C5orf22: variants seen among roughly 807,000 people sequenced by gnomAD.
C5orf22 encodes chromosome 5 open reading frame 22, also known as UPF0489 protein C5orf22.
In C5orf22, 36 loss-of-function variants were observed where a neutral mutation model predicts 48.7. That is an observed-to-expected ratio of 0.74 (90% CI 0.57 to 0.98). C5orf22 has a LOEUF of 0.98. Ranked by LOEUF, C5orf22 falls within the 50% of genes least tolerant of loss-of-function variation. The pLI is 0.00. For synonymous variants in C5orf22, 141 were observed against 180.8 expected (o/e 0.78, Z 1.76); for missense variants, 486 against 521.9 (o/e 0.93, Z 0.67).
rs751239335 is a variant in C5orf22, at chr5:31,545,701, G to A, written c.1048G>A (p.Asp350Asn). 1 of 1,598,476 alleles carries A rather than the reference G, an allele frequency of 6.3e-7. No individual in the cohort carries two copies. The highest frequency in any genetic ancestry group is 1.7e-5 in the Admixed American group (1 of 59,514). ...QSLKKRMEVP[D>N]YEMVHQAGLT... ...TTTGAAAAAACGGATGGAAGTACCA[G>A]ACTATGAAATGGTAAATATTTTATA... Residue 350 changes from aspartate to asparagine, a missense_variant, in exon 7 of 9, where the codon GAC becomes AAC. Transcript: ENST00000325366.
At chr5:31,536,127 G>A (rs367712038) in intron 3 of C5orf22, among the ~76,000 whole-genome samples, 6 of 152,194 alleles carry the variant, frequency 3.9e-5, no homozygotes, top group South Asian at 2.1e-4. Context: ...ATTATCCTCC[G>A]GAATTTGGGC....
chr5:31,539,251 A>T (rs1561322224), intron 4 of C5orf22, among the ~76,000 whole-genome samples: 1 of 152,236 alleles, frequency 6.6e-6, no homozygotes. Flanking sequence ...TGTTATATGC[A>T]AATACTACAC....
rs528048396 is a variant in C5orf22, at chr5:31,532,340, C to G, written c.-53C>G. The G allele has an allele frequency of 1.9e-6, 3 of 1,585,536 alleles. No individual in the cohort carries two copies. The African/African-American group carries it at 4.0e-5, about 21-fold the overall frequency. On this transcript the variant is annotated 5_prime_UTR_variant, in exon 1 of 9. Transcript: ENST00000325366. ...GGCCGGGATGAGGCGCCGGCTTTCCCGGGTCTTCTCCAGCTGCCACCGCTT... is the reference window on the plus strand; with the variant it reads ...GGCCGGGATGAGGCGCCGGCTTTCCGGGGTCTTCTCCAGCTGCCACCGCTT...
At position 31,540,947 on chromosome 5, in the gene C5orf22, A is replaced by G; in HGVS notation, c.808-2A>G. ...ATGTGGATTTTTTGTTTTGTTTTCC[A>G]GGAAGAGTACAAAATCTTACAAGAG... On this transcript the variant is annotated splice_acceptor_variant, in intron 4 of 8. Coordinates refer to ENST00000325366, the MANE Select transcript of C5orf22 (RefSeq NM_018356.3). LOFTEE classifies it high-confidence loss of function. 6.2e-7 allele frequency: 1 copy of G among 1,605,748 alleles called. No homozygotes were observed. Among genetic ancestry groups the G allele is most frequent in the Non-Finnish European group, 8.5e-7 (1 of 1,175,710 alleles).
chr5:31,537,596 A>AG (rs1742176091), intron 3 of C5orf22, among the ~76,000 whole-genome samples: 1 of 152,212 alleles, frequency 6.6e-6, no homozygotes, highest in African/African-American at 2.4e-5. Flanking sequence ...CACTGTTTGA[A>AG]GTATTTACCA....
chr5:31,543,461 T>G (rs1020647836), intron 6 of C5orf22, among the ~76,000 whole-genome samples: 1 of 152,000 alleles, frequency 6.6e-6, no homozygotes, highest in Non-Finnish European at 1.5e-5. Flanking sequence ...CCCCAGCTAC[T>G]TGGGAGGCTG....
In C5orf22 at chr5:31,553,002, T is replaced by C; in HGVS notation, c.*100T>C. ...TCTTCCAGAGAACACTGTTTTATAT[T>C]AACTTTCAGTTGAAATCTTTCAGAT... On this transcript the variant is annotated 3_prime_UTR_variant, in exon 9 of 9. Coordinates refer to ENST00000325366, the MANE Select transcript of C5orf22 (RefSeq NM_018356.3). 9.8e-7 allele frequency: 1 copy of C among 1,020,412 alleles called. No homozygotes were observed. The highest frequency in any genetic ancestry group is 1.4e-6 in the Non-Finnish European group (1 of 703,264). The allele number at this position is 1,020,412 out of a possible 1,614,324, so 63.2% of individuals were successfully genotyped here. A position where few individuals can be genotyped will look rare whatever the true frequency, so the allele number is the denominator to read the frequency against.
chr5:31,540,568 A>G (rs1742391920), intron 4 of C5orf22, among the ~76,000 whole-genome samples: 1 of 152,174 alleles, frequency 6.6e-6, no homozygotes. Flanking sequence ...TATTTCCTGT[A>G]AACAGCTAAG....
At chr5:31,540,229 G>A (rs1318074834) in intron 4 of C5orf22, among the ~76,000 whole-genome samples, 1 of 152,188 alleles carries the variant, frequency 6.6e-6, no homozygotes, top group Non-Finnish European at 1.5e-5. Flanking sequence ...AAGCACTGAA[G>A]ATATGCCACA....
At position 31,532,385 on chromosome 5, in the gene C5orf22, G is replaced by C. The variant is rs79365447; in HGVS notation, c.-8G>C. 18,291 of 1,613,682 alleles carry C rather than the reference G, an allele frequency of 0.011. 971 individuals carry two copies. In the African/African-American group the frequency reaches 0.15, roughly 13 times the overall value. ...CCGCTTTACTGCAAAACTGACGGGC[G>C]CAAAAACATGAGTGACTCCGCGGGA... On this transcript the variant is annotated 5_prime_UTR_variant, in exon 1 of 9. Coordinates refer to ENST00000325366, the MANE Select transcript of C5orf22 (RefSeq NM_018356.3).
Position 31,532,310 on chromosome 5 carries a change from G to T in C5orf22, c.-83G>T. The T allele has an allele frequency of 6.3e-6, 9 of 1,426,348 alleles. No homozygotes were observed. The highest frequency in any genetic ancestry group is 8.9e-6 in the Non-Finnish European group (9 of 1,012,160). 88.4% of individuals were successfully genotyped at this position (1,426,348 alleles called of 1,614,324 possible). ...GTGAGGGAGCGCTTCCGCCCGGAGA[G>T]AGCTGGCCGGGATGAGGCGCCGGCT... On this transcript the variant is annotated 5_prime_UTR_variant, in exon 1 of 9. Transcript: ENST00000325366.
chr5:31,532,890 G>A (rs1741683847), intron 1 of C5orf22, among the ~76,000 whole-genome samples: 1 of 152,102 alleles, frequency 6.6e-6, no homozygotes, highest in African/African-American at 2.4e-5. Context: ...CTGAAATGGG[G>A]ACAGTAATCG....
intron 6 of C5orf22, among the ~76,000 whole-genome samples, chr5:31,543,060 T>C (rs1045093724): frequency 1.3e-5 from 2 of 152,222 alleles, no homozygotes; most frequent in Non-Finnish European, 2.9e-5. Context: ...TATGGCTAAA[T>C]GATGAAGTAT....
intron 7 of C5orf22, chr5:31,548,595 A>G (rs1373730314): frequency 2.2e-6 from 1 of 451,046 alleles, no homozygotes; most frequent in Non-Finnish European, 4.4e-6. Flanking sequence ...GTCTCTAGGA[A>G]GTTCCAAACT....
intron 7 of C5orf22, among the ~76,000 whole-genome samples, chr5:31,547,667 C>T (rs1419949777): frequency 6.6e-6 from 1 of 152,208 alleles, no homozygotes; most frequent in East Asian, 1.9e-4. Context: ...AACCACAGCC[C>T]GAGCTCTATG....
At chr5:31,536,799 A>G (rs1742125974) in intron 3 of C5orf22, among the ~76,000 whole-genome samples, 1 of 152,184 alleles carries the variant, frequency 6.6e-6, no homozygotes, top group Non-Finnish European at 1.5e-5. Context: ...AGAAATATCA[A>G]TATGTTCTTG....
At chr5:31,538,714 T>C (rs757743812) in intron 4 of C5orf22, 25 bp downstream of exon 4, 3 of 1,533,434 alleles carry the variant, frequency 2.0e-6, no homozygotes, top group Non-Finnish European at 2.7e-6. Context: ...TTTTAACACA[T>C]AGATCTTGAG....
intron 7 of C5orf22, among the ~76,000 whole-genome samples, chr5:31,548,010 T>A (rs1743003779): frequency 6.6e-6 from 1 of 152,186 alleles, no homozygotes; most frequent in South Asian, 2.1e-4. Flanking sequence ...CTCTTAAAAC[T>A]GAATGCCTTG....
chr5:31,545,951 C>T (rs1304264856), intron 7 of C5orf22, among the ~76,000 whole-genome samples: 2 of 152,076 alleles, frequency 1.3e-5, no homozygotes, highest in African/African-American at 2.4e-5. Flanking sequence ...AGCAAAAGTC[C>T]TGTGTGTTTT....
Sources: gnomAD v4.1 joint callset for allele counts (sites outside exome capture counted in the v4.1 genomes callset) on GRCh38, gnomAD v4.1.1 for gene constraint, MANE v1.5 for transcripts, NCBI Gene and HGNC (gene_info 2026-07-23, HGNC 2026-07-21) for gene names.